The following IPO11 variants were observed in gnomAD, a reference collection of about 807,000 sequenced individuals.
The protein encoded by IPO11 is importin 11.
In IPO11, 66 loss-of-function variants were observed where a neutral mutation model predicts 143.2. The ratio of observed to expected loss-of-function variants is 0.46; its 90% CI spans 0.38 to 0.57. IPO11 has a LOEUF of 0.57. Among genes scored for constraint, IPO11 ranks in the 20% least tolerant of loss-of-function variants. The pLI is 0.00. For missense variants in IPO11, 1,026 were observed against 1,141.0 expected (o/e 0.90, Z 1.45); for synonymous variants, 385 against 377.8 (o/e 1.02, Z -0.22).
intron 5 of IPO11, among the ~76,000 whole-genome samples, chr5:62,453,373 G>A (rs911887420): frequency 2.0e-5 from 3 of 150,886 alleles, no homozygotes; most frequent in Non-Finnish European, 4.4e-5. Context: ...GAAAGAGATA[G>A]CCTAGTCCTA....
rs567371513 is a variant in IPO11 at position 62,552,935 on chromosome 5, A to G, written c.2460+1599A>G. ...GGTAATTGACATATCTGTCACCCCA[A>G]ACACTTACTATTTCTCTGTATTGGG... On this transcript the variant is annotated intron_variant, in intron 26 of 29. Coordinates refer to ENST00000325324, the MANE Select transcript of IPO11 (RefSeq NM_016338.5). Among the ~76,000 whole-genome samples the G allele has an allele frequency of 2.6e-5, 4 of 152,232 alleles. No individual in the cohort carries two copies. In the South Asian group the frequency reaches 6.3e-4, roughly 24 times the overall value.
intron 24 of IPO11, among the ~76,000 whole-genome samples, chr5:62,546,946 C>T (rs762727242): frequency 4.6e-5 from 7 of 151,958 alleles, no homozygotes; most frequent in Non-Finnish European, 7.4e-5. Context: ...CTAGATCTGT[C>T]AGGATGTATA....
intron 27 of IPO11, among the ~76,000 whole-genome samples, chr5:62,575,493 A>G (rs574721388): frequency 7.6e-4 from 115 of 152,102 alleles, no homozygotes; most frequent in Admixed American, 1.6e-3. Flanking sequence ...TTCTCTTATA[A>G]CATTTTTAAA....
At chr5:62,546,928 G>T (rs1743220281) in intron 24 of IPO11, among the ~76,000 whole-genome samples, 1 of 151,940 alleles carries the variant, frequency 6.6e-6, no homozygotes, top group Non-Finnish European at 1.5e-5. Flanking sequence ...GAGGAGGAGA[G>T]GGTGAAACTA....
At chr5:62,467,099 CTA>C (rs1561322710) in intron 5 of IPO11, 30 bp from the exon 6 acceptor site, 2 of 1,587,122 alleles carry the variant, frequency 1.3e-6, no homozygotes, top group East Asian at 2.2e-5. Context: ...GTATAATACA[CTA>C]TGAATAAATT....
At chr5:62,588,928 G>A (rs549503657) in intron 27 of IPO11, among the ~76,000 whole-genome samples, 30 of 152,190 alleles carry the variant, frequency 2.0e-4, no homozygotes, top group African/African-American at 6.5e-4. Flanking sequence ...ACTCACCCAC[G>A]TGCCTAATAC....
intron 29 of IPO11, among the ~76,000 whole-genome samples, chr5:62,625,486 A>C (rs2112488674): frequency 6.6e-6 from 1 of 152,340 alleles, no homozygotes; most frequent in Non-Finnish European, 1.5e-5. Flanking sequence ...GTTACCCCAG[A>C]GTCAGGAATT....
intron 22 of IPO11, 100 bp downstream of exon 22, chr5:62,530,885 C>A: frequency 1.2e-6 from 1 of 858,778 alleles, no homozygotes; most frequent in Non-Finnish European, 1.9e-6. Flanking sequence ...GTTGTAAGTT[C>A]AACTTCTAGT....
At chr5:62,511,986 A>G (rs1349689171) in intron 19 of IPO11, among the ~76,000 whole-genome samples, 2 of 152,124 alleles carry the variant, frequency 1.3e-5, no homozygotes, top group African/African-American at 2.4e-5. Context: ...TGTGTTCTGG[A>G]TACAGAGCAC....
intron 5 of IPO11, among the ~76,000 whole-genome samples, chr5:62,459,985 G>A (rs1745299147): frequency 6.6e-6 from 1 of 152,162 alleles, no homozygotes; most frequent in Non-Finnish European, 1.5e-5. Context: ...TAACTGCCAT[G>A]TAACTATTAC....
At chr5:62,515,523 T>A in intron 20 of IPO11, 22 bp downstream of exon 20, 1 of 1,486,278 alleles carries the variant, frequency 6.7e-7, no homozygotes, top group South Asian at 1.3e-5. Context: ...CTCCACAGAG[T>A]TTTTTTAGTT....
intron 23 of IPO11, 58 bp from the exon 24 acceptor site, chr5:62,537,151 T>C: frequency 2.0e-6 from 2 of 981,862 alleles, no homozygotes. Flanking sequence ...TGAAATTTTA[T>C]GCCTTTTTGA....
intron 3 of IPO11, among the ~76,000 whole-genome samples, chr5:62,445,656 T>C (rs1744694839): frequency 6.6e-6 from 1 of 152,186 alleles, no homozygotes; most frequent in South Asian, 2.1e-4. Context: ...TATTACTTTA[T>C]TATAAAATAG....
chr5:62,433,384 T>A (rs550989490), intron 1 of IPO11, among the ~76,000 whole-genome samples: 1 of 152,280 alleles, frequency 6.6e-6, no homozygotes, highest in East Asian at 1.9e-4. Context: ...TAAGGAGAAT[T>A]TTTGTTTCCA....
intron 12 of IPO11, among the ~76,000 whole-genome samples, chr5:62,487,478 G>A (rs931248707): frequency 6.6e-6 from 1 of 151,974 alleles, no homozygotes; most frequent in Non-Finnish European, 1.5e-5. Flanking sequence ...TAAATTTAAG[G>A]TATGATTAAT....
intron 29 of IPO11, among the ~76,000 whole-genome samples, chr5:62,617,339 A>G (rs1472664415): frequency 6.6e-6 from 1 of 152,220 alleles, no homozygotes; most frequent in African/African-American, 2.4e-5. Context: ...CCTGGTGTCC[A>G]CATATAATAG....
intron 27 of IPO11, chr5:62,580,688 T>C: frequency 6.4e-7 from 1 of 1,551,484 alleles, no homozygotes; most frequent in Non-Finnish European, 8.7e-7. Flanking sequence ...GCTTGGGCTG[T>C]TGTAAAATCT....
At chr5:62,582,991 G>A (rs573440153) in intron 27 of IPO11, among the ~76,000 whole-genome samples, 13 of 152,082 alleles carry the variant, frequency 8.5e-5, no homozygotes, top group African/African-American at 3.1e-4. Context: ...AACCCCAAAG[G>A]GTTTTCAAAC....
chr5:62,530,292 T>G (rs905797318), intron 21 of IPO11, among the ~76,000 whole-genome samples: 2 of 152,202 alleles, frequency 1.3e-5, no homozygotes, highest in African/African-American at 2.4e-5. Flanking sequence ...CCAAAATTCA[T>G]GCATACTAAA....
Sources: allele counts gnomAD v4.1 joint callset (sites outside exome capture counted in the v4.1 genomes callset), GRCh38; gene constraint gnomAD v4.1.1; transcripts MANE v1.5; gene names NCBI Gene and HGNC (gene_info 2026-07-23, HGNC 2026-07-21).